MACROD2: variants seen among roughly 807,000 people sequenced by gnomAD.
The protein encoded by MACROD2 is ADP-ribose glycohydrolase MACROD2.
A neutral mutation model predicts 70.4 loss-of-function variants in MACROD2; 36 were observed. That is an observed-to-expected ratio of 0.51 (90% CI 0.39 to 0.68). MACROD2 has a LOEUF of 0.68. MACROD2 is among the 30% of genes least tolerant of loss of function. MACROD2 has a pLI of 0.00. For synonymous variants in MACROD2, 172 were observed against 178.8 expected, an observed-to-expected ratio of 0.96 and a Z score of 0.30; for missense variants, 496 against 538.4, an observed-to-expected ratio of 0.92 and a Z score of 0.78.
At chr20:15,713,993 A>ACGCGCG (rs146331658) in intron 8 of MACROD2, among the ~76,000 whole-genome samples, 4 of 125,746 alleles carry the variant, frequency 3.2e-5, no homozygotes, top group Non-Finnish European at 6.1e-5. Flanking sequence ...ATATGCACAC[A>ACGCGCG]CACACACACA....
chr20:14,854,692 A>G (rs2073234723), intron 5 of MACROD2, among the ~76,000 whole-genome samples: 1 of 152,186 alleles, frequency 6.6e-6, no homozygotes, highest in South Asian at 2.1e-4. Flanking sequence ...CGTGGGGACT[A>G]AAACAACACT....
intron 5 of MACROD2, among the ~76,000 whole-genome samples, chr20:14,835,728 C>T (rs1043173608): frequency 1.3e-5 from 2 of 152,012 alleles, no homozygotes; most frequent in African/African-American, 4.8e-5. Flanking sequence ...GCACCATTCT[C>T]TTAGAAACTG....
intron 8 of MACROD2, among the ~76,000 whole-genome samples, chr20:15,658,223 C>T (rs73900041): frequency 0.042 from 5,908 of 139,196 alleles, 415 homozygotes; most frequent in African/African-American, 0.16. Context: ...TTCTCTCTCT[C>T]TCTTTTTTTT....
intron 8 of MACROD2, among the ~76,000 whole-genome samples, chr20:15,788,437 G>A (rs1191705436): frequency 6.6e-6 from 1 of 152,070 alleles, no homozygotes; most frequent in Non-Finnish European, 1.5e-5. Context: ...TATTTAACAT[G>A]TGATTTAAAA....
At chr20:14,007,697 C>T (rs142988274) in intron 2 of MACROD2, among the ~76,000 whole-genome samples, 1 of 152,206 alleles carries the variant, frequency 6.6e-6, no homozygotes, top group African/African-American at 2.4e-5. Context: ...TTTCCTACTA[C>T]TGTGTTAAGG....
intron 5 of MACROD2, among the ~76,000 whole-genome samples, chr20:14,946,651 G>T (rs2074434914): frequency 6.6e-6 from 1 of 152,102 alleles, no homozygotes; most frequent in Non-Finnish European, 1.5e-5. Context: ...AATAATTATT[G>T]TAAGGTCAGC....
intron 8 of MACROD2, among the ~76,000 whole-genome samples, chr20:15,719,493 T>G (rs1295421602): frequency 2.6e-5 from 4 of 152,170 alleles, no homozygotes; most frequent in African/African-American, 9.7e-5. Context: ...TCCTCACAGA[T>G]TCCTCCAAAA....
At chr20:14,777,202 A>G (rs1057256831) in intron 5 of MACROD2, among the ~76,000 whole-genome samples, 2 of 152,040 alleles carry the variant, frequency 1.3e-5, no homozygotes, top group African/African-American at 2.4e-5. Context: ...CATAGTATGC[A>G]TATGTTTAGC....
chr20:14,289,096 C>T (rs893085720), intron 3 of MACROD2, among the ~76,000 whole-genome samples: 1 of 152,192 alleles, frequency 6.6e-6, no homozygotes, highest in Admixed American at 6.5e-5. Context: ...GAGAATTGCT[C>T]TGTCTCCTTG....
rs185429646 is a variant in MACROD2, at chr20:14,681,687, G to A, written c.302-3156G>A. ...CATGGTTACATAAATGCACACAGTT[G>A]TTAAAAGTTGTCAAAACTGCACACT... On this transcript the variant is annotated intron_variant, in intron 4 of 17. Transcript: ENST00000684519. 9.2e-5 allele frequency among the ~76,000 whole-genome samples: 14 copies of A among 152,244 alleles called. No homozygotes were observed. The East Asian group carries it at 2.5e-3, about 27-fold the overall frequency.
At chr20:15,247,625 C>T (rs1284117619) in intron 6 of MACROD2, among the ~76,000 whole-genome samples, 1 of 151,960 alleles carries the variant, frequency 6.6e-6, no homozygotes, top group Non-Finnish European at 1.5e-5. Context: ...ATGGAAGCTT[C>T]GTGTGGTTCA....
At chr20:14,911,537 G>A (rs959870955) in intron 5 of MACROD2, among the ~76,000 whole-genome samples, 1 of 151,950 alleles carries the variant, frequency 6.6e-6, no homozygotes, top group African/African-American at 2.4e-5. Context: ...CCACTATGTT[G>A]AGGTAACTTT....
chr20:15,079,978 A>G (rs1168074930), intron 5 of MACROD2, among the ~76,000 whole-genome samples: 2 of 151,938 alleles, frequency 1.3e-5, no homozygotes, highest in Non-Finnish European at 2.9e-5. Context: ...TACTAAATCT[A>G]CCAACCTGCC....
chr20:15,535,177 A>G (rs1734589854), intron 8 of MACROD2, among the ~76,000 whole-genome samples: 1 of 152,076 alleles, frequency 6.6e-6, no homozygotes, highest in African/African-American at 2.4e-5. Flanking sequence ...GGGTCATGCT[A>G]TGTTGCCCAG....
At chr20:15,348,148 TGA>T (rs2078187331) in intron 6 of MACROD2, among the ~76,000 whole-genome samples, 2 of 152,198 alleles carry the variant, frequency 1.3e-5, no homozygotes, top group Non-Finnish European at 2.9e-5. Context: ...CATGAGAACC[TGA>T]CTCCATGGTC....
At chr20:14,097,577 T>C (rs1040225607) in intron 3 of MACROD2, among the ~76,000 whole-genome samples, 2 of 152,212 alleles carry the variant, frequency 1.3e-5, no homozygotes, top group African/African-American at 4.8e-5. Flanking sequence ...TCAATCATTA[T>C]TTTAAATATG....
chr20:14,636,506 C>G (rs112571057), intron 4 of MACROD2: 1 of 152,014 alleles, frequency 6.6e-6, no homozygotes, highest in Admixed American at 6.5e-5. Flanking sequence ...AGAAGAAACA[C>G]CTGCAATGTT....
intron 4 of MACROD2, among the ~76,000 whole-genome samples, chr20:14,496,078 T>C (rs990982795): frequency 2.0e-5 from 3 of 152,204 alleles, no homozygotes; most frequent in African/African-American, 4.8e-5. Flanking sequence ...TTTGACCTTA[T>C]GATTCTATGA....
At chr20:15,442,846 TA>T (rs2046514057) in intron 7 of MACROD2, among the ~76,000 whole-genome samples, 1 of 152,170 alleles carries the variant, frequency 6.6e-6, no homozygotes, top group African/African-American at 2.4e-5. Context: ...GAATATTTGG[TA>T]ATTTTGATAG....
Sources: gnomAD v4.1 joint callset for allele counts (sites outside exome capture counted in the v4.1 genomes callset) on GRCh38, gnomAD v4.1.1 for gene constraint, MANE v1.5 for transcripts, NCBI Gene and HGNC (gene_info 2026-07-23, HGNC 2026-07-21) for gene names.